TPX2: variants seen among roughly 807,000 people sequenced by gnomAD.
TPX2 encodes targeting protein for Xklp2.
A neutral mutation model predicts 93.6 loss-of-function variants in TPX2; 21 were observed. That is an observed-to-expected ratio of 0.22 (90% confidence interval 0.16 to 0.32). The LOEUF (loss-of-function observed/expected upper bound fraction) is 0.32. Among genes scored for constraint, TPX2 ranks in the 10% least tolerant of loss-of-function variants. The probability of loss-of-function intolerance (pLI) is 1.00; values close to 1 mark genes in which losing one functional copy is unlikely to be tolerated. For missense variants in TPX2, 776 were observed against 871.1 expected (o/e 0.89, Z 1.37); for synonymous variants, 281 against 298.3 (o/e 0.94, Z 0.60).
chr20:31,793,139 G>C, intron 13 of TPX2, among the ~76,000 whole-genome samples: 1 of 152,148 alleles, frequency 6.6e-6, no homozygotes, highest in Non-Finnish European at 1.5e-5. Flanking sequence ...TGGATCAAAA[G>C]TTGCACTTTA....
chr20:31,763,849 C>T (rs1322545162), intron 4 of TPX2, among the ~76,000 whole-genome samples: 3 of 150,546 alleles, frequency 2.0e-5, no homozygotes, highest in East Asian at 4.0e-4. Flanking sequence ...GAAACCCTGT[C>T]TCTACTGAAA....
chr20:31,777,441 C>G (rs777086980), intron 8 of TPX2, 46 bp from the exon 9 acceptor site: 127 of 1,586,636 alleles, frequency 8.0e-5, no homozygotes, highest in Middle Eastern at 6.7e-4. Context: ...TACTGGTGTT[C>G]CCTATCTTAA....
chr20:31,782,404 G>T lies in TPX2; in HGVS notation c.1196+14G>T. The T allele has an allele frequency of 6.3e-7, 1 of 1,597,538 alleles. No homozygotes were observed. The highest frequency in any genetic ancestry group is 1.1e-5 in the South Asian group (1 of 88,722). On this transcript the variant is annotated intron_variant, in intron 11 of 17. Transcript: ENST00000300403. ...GAAATTGCAACAGTAAGTCCCACTG[G>T]CAGTATCTGAGGAAGAGTTCCACGA...
At position 31,773,389 on chromosome 20, in the gene TPX2, G is replaced by A. The variant is rs185588818; in HGVS notation, c.608+1707G>A. Among the ~76,000 whole-genome samples the A allele has an allele frequency of 1.2e-3, 174 of 146,804 alleles. 1 individual carries two copies. The highest frequency in any genetic ancestry group is 2.1e-3 in the Non-Finnish European group (136 of 64,166). On this transcript the variant is annotated intron_variant, in intron 7 of 17. Transcript: ENST00000300403. Reference sequence around the variant, plus strand: ...TGGTCTTGAATTCCTGACCTCAAGGGATCTGTCTGCCTCAGCCTCCCAAAG... The same window carrying A: ...TGGTCTTGAATTCCTGACCTCAAGGAATCTGTCTGCCTCAGCCTCCCAAAG...
intron 3 of TPX2, among the ~76,000 whole-genome samples, chr20:31,759,463 G>A (rs756446252): frequency 1.1e-4 from 16 of 146,966 alleles, no homozygotes; most frequent in Admixed American, 2.8e-4. Flanking sequence ...GCAGTGGTGC[G>A]GTCTCAGCTT....
chr20:31,787,893 C>T (rs1240189928), intron 12 of TPX2, among the ~76,000 whole-genome samples: 2 of 152,122 alleles, frequency 1.3e-5, no homozygotes, highest in African/African-American at 4.8e-5. Context: ...TGAAATTCAA[C>T]AGAACTGTTT....
intron 2 of TPX2, among the ~76,000 whole-genome samples, chr20:31,755,349 G>T (rs1275480985): frequency 2.0e-5 from 3 of 151,914 alleles, no homozygotes; most frequent in Admixed American, 1.3e-4. Flanking sequence ...CTCTCAAAGT[G>T]CTGGGATTAC....
chr20:31,780,838 C>A, intron 10 of TPX2: 1 of 303,724 alleles, frequency 3.3e-6, no homozygotes, highest in Non-Finnish European at 6.3e-6. Flanking sequence ...AAGATGTGGT[C>A]TTGATGCTTT....
rs1280516939 is a variant in TPX2 at position 31,770,325 on chromosome 20, T to G, written c.357-18T>G. 1 of 1,511,842 alleles carries G rather than the reference T, an allele frequency of 6.6e-7. No homozygotes were observed. The highest frequency in any genetic ancestry group is 8.8e-7 in the Non-Finnish European group (1 of 1,132,294). 93.7% of individuals were successfully genotyped at this position (1,511,842 alleles called of 1,614,324 possible). A position where few individuals can be genotyped will look rare whatever the true frequency, so the allele number is the denominator to read the frequency against. Reference sequence around the variant, plus strand: ...GTATATATATTTATTATATATTTTGTCAATTTCTCTACCATAGAAGATCTC... The same window carrying G: ...GTATATATATTTATTATATATTTTGGCAATTTCTCTACCATAGAAGATCTC... On this transcript the variant is annotated intron_variant, in intron 5 of 17. Coordinates refer to ENST00000300403, the MANE Select transcript of TPX2 (RefSeq NM_012112.5).
rs866963471 is a variant in TPX2 at position 31,782,905 on chromosome 20, C to T, written c.1196+515C>T. Among the ~76,000 whole-genome samples the T allele has an allele frequency of 5.1e-4, 77 of 151,286 alleles. 1 individual carries two copies. Among genetic ancestry groups the T allele is most frequent in the African/African-American group, 1.7e-3 (69 of 41,162 alleles). ...ATACACACATACACACACACACACACACACACACACACACACACACACACA... is the reference window on the plus strand; with the variant it reads ...ATACACACATACACACACACACACATACACACACACACACACACACACACA... On this transcript the variant is annotated intron_variant, in intron 11 of 17. Coordinates refer to ENST00000300403, the MANE Select transcript of TPX2 (RefSeq NM_012112.5).
intron 9 of TPX2, among the ~76,000 whole-genome samples, 172 bp from the exon 10 acceptor site, chr20:31,778,641 T>TA: frequency 6.6e-6 from 1 of 152,356 alleles, no homozygotes; most frequent in East Asian, 1.9e-4. Flanking sequence ...TAATTTTTTT[T>TA]AATGAGAACA....
chr20:31,761,167 A>G (rs1201438685), intron 4 of TPX2, among the ~76,000 whole-genome samples: 1 of 141,666 alleles, frequency 7.1e-6, no homozygotes, highest in African/African-American at 2.6e-5. Flanking sequence ...GACTACTCTC[A>G]CCTCCCTCCT....
intron 2 of TPX2, among the ~76,000 whole-genome samples, chr20:31,748,327 T>C (rs1600352709): frequency 6.6e-6 from 1 of 152,114 alleles, no homozygotes; most frequent in Non-Finnish European, 1.5e-5. Flanking sequence ...GCTTGAACCC[T>C]CTTCATAGTC....
chr20:31,792,875 CA>C (rs2062111614), intron 13 of TPX2, 45 bp downstream of exon 13: 1 of 1,528,692 alleles, frequency 6.5e-7, no homozygotes, highest in African/African-American at 1.4e-5. Context: ...TCTATATAGT[CA>C]GTCAATCTAA....
chr20:31,791,467 G>A (rs1435791516), intron 12 of TPX2, among the ~76,000 whole-genome samples: 1 of 152,076 alleles, frequency 6.6e-6, no homozygotes, highest in Admixed American at 6.5e-5. Context: ...TGTATTTTTA[G>A]TAGAGACGGG....
chr20:31,783,245 A>C (rs951079678), intron 11 of TPX2, among the ~76,000 whole-genome samples: 1 of 151,318 alleles, frequency 6.6e-6, no homozygotes, highest in African/African-American at 2.4e-5. Context: ...TTCTTTTATT[A>C]TTTTTTATTT....
At chr20:31,743,347 A>G (rs935679900) in intron 2 of TPX2, among the ~76,000 whole-genome samples, 2 of 152,178 alleles carry the variant, frequency 1.3e-5, no homozygotes, top group Non-Finnish European at 2.9e-5. Context: ...TGTAAATGCT[A>G]TGTAAATAGT....
intron 12 of TPX2, among the ~76,000 whole-genome samples, chr20:31,789,676 A>G (rs917554516): frequency 2.6e-5 from 4 of 152,142 alleles, no homozygotes; most frequent in African/African-American, 7.2e-5. Flanking sequence ...ATTATTTCTA[A>G]TCGAGCCCCT....
intron 10 of TPX2, among the ~76,000 whole-genome samples, chr20:31,781,721 T>C (rs1161930540): frequency 7.2e-5 from 11 of 152,014 alleles, no homozygotes; most frequent in African/African-American, 2.6e-4. Context: ...GGTGGGTGGA[T>C]TGCTTGAGCC....
Sources: allele counts gnomAD v4.1 joint callset (sites outside exome capture counted in the v4.1 genomes callset), GRCh38; gene constraint gnomAD v4.1.1; transcripts MANE v1.5; gene names NCBI Gene and HGNC (gene_info 2026-07-23, HGNC 2026-07-21).